CA4: variants seen among roughly 807,000 people sequenced by gnomAD.
CA4 encodes CA-IV.
Under a neutral mutation model 34.5 loss-of-function variants are expected in CA4, and 24 were observed. That is an observed-to-expected ratio of 0.70 (90% CI 0.50 to 0.98). The LOEUF (loss-of-function observed/expected upper bound fraction) is 0.98. CA4 is among the 50% of genes least tolerant of loss of function. The pLI, the probability that CA4 is intolerant of heterozygous loss-of-function variation, is 0.00. For missense variants in CA4, 394 were observed against 396.7 expected, an observed-to-expected ratio of 0.99 and a Z score of 0.06; for synonymous variants, 178 against 170.6, an observed-to-expected ratio of 1.04 and a Z score of -0.34.
chr17:60,152,733 T>A (rs775010678), intron 1 of CA4, among the ~76,000 whole-genome samples: 1 of 152,278 alleles, frequency 6.6e-6, no homozygotes, highest in Admixed American at 6.5e-5. Context: ...GGACATGGGA[T>A]GATTATGGCA....
At chr17:60,169,250 C>CAAAAAAAAAAAA (rs1555574043) in intron 5 of CA4, among the ~76,000 whole-genome samples, 28 of 122,864 alleles carry the variant, frequency 2.3e-4, no homozygotes, top group African/African-American at 8.8e-4. Context: ...CCCTCTGTCT[C>CAAAAAAAAAAAA]AAAAAAAAAA....
downstream of CA4, among the ~76,000 whole-genome samples, chr17:60,162,398 G>T (rs915305396): frequency 6.6e-6 from 1 of 152,152 alleles, no homozygotes; most frequent in Non-Finnish European, 1.5e-5. Flanking sequence ...GTGGCTCTGA[G>T]TTCCCTGTGC....
downstream of CA4, among the ~76,000 whole-genome samples, chr17:60,163,662 G>T (rs796510490): frequency 6.6e-6 from 1 of 152,288 alleles, no homozygotes; most frequent in South Asian, 2.1e-4. Context: ...GAAGAGCTGC[G>T]GGACAGAAGA....
At chr17:60,157,997 A>G (rs772643674) in intron 5 of CA4, 64 bp from the exon 6 acceptor site, 1 of 1,596,072 alleles carries the variant, frequency 6.3e-7, no homozygotes, top group Admixed American at 1.8e-5. Context: ...AGATCGGGAG[A>G]ATGAACTGGC....
At chr17:60,178,799 A>C in the CA4 span, among the ~76,000 whole-genome samples, 1 of 152,386 alleles carries the variant, frequency 6.6e-6, no homozygotes, top group Non-Finnish European at 1.5e-5. Context: ...TCTTGTCAAT[A>C]TAATGGAATA....
At chr17:60,178,311 C>T in the CA4 span, among the ~76,000 whole-genome samples, 3 of 152,270 alleles carry the variant, frequency 2.0e-5, no homozygotes, top group South Asian at 6.2e-4. Flanking sequence ...AAAGAACAAC[C>T]ACTAATTGTG....
At chr17:60,171,701 C>A (rs569365540), downstream of CA4, among the ~76,000 whole-genome samples, 11 of 152,224 alleles carry the variant, frequency 7.2e-5, no homozygotes, top group South Asian at 2.1e-4. Context: ...CTACACCCCC[C>A]ACTGTCACTT....
At chr17:60,176,065 T>C in the CA4 span, among the ~76,000 whole-genome samples, 2 of 152,098 alleles carry the variant, frequency 1.3e-5, no homozygotes, top group Non-Finnish European at 2.9e-5. Context: ...ATCCACCTGC[T>C]TTGGCCTTCC....
downstream of CA4, among the ~76,000 whole-genome samples, chr17:60,173,889 G>A (rs192102146): frequency 1.3e-5 from 2 of 152,302 alleles, no homozygotes; most frequent in East Asian, 1.9e-4. Context: ...CGATGATGCC[G>A]ATGAATTGCC....
chr17:60,171,299 T>C (rs1364017889), downstream of CA4, among the ~76,000 whole-genome samples: 24 of 152,228 alleles, frequency 1.6e-4, no homozygotes, highest in Admixed American at 1.6e-3. Flanking sequence ...CAGAGAGCTC[T>C]GCAAACAAGG....
rs1282464357 is a variant in CA4, at chr17:60,159,445, C to A, written c.*21C>A. The A allele has an allele frequency of 6.2e-7, 1 of 1,607,586 alleles. No individual in the cohort carries two copies. Among genetic ancestry groups the A allele is most frequent in the Admixed American group, 1.7e-5 (1 of 59,820 alleles). On this transcript the variant is annotated 3_prime_UTR_variant, in exon 8 of 8. Transcript: ENST00000300900. ...GATGATGGCTCACTTCTGCACGCAGCCTCTCTGTTGCCTCAGCTCTCCAAG... is the reference window on the plus strand; with the variant it reads ...GATGATGGCTCACTTCTGCACGCAGACTCTCTGTTGCCTCAGCTCTCCAAG...
Position 60,158,418 on chromosome 17 carries a change from G to T in CA4, c.716G>T (p.Arg239Leu), listed in dbSNP as rs76995634. ...CDEKVVWTVF[R>L]EPIQLHREQI... ...GAGAAGGTCGTCTGGACTGTGTTCC[G>T]GGAGCCCATTCAGCTTCACAGAGAA... is the stretch of plus-strand genomic sequence containing the variant. The change falls in exon 7 of 8, where the codon CGG (arginine) becomes CTG (leucine). Residue 239 changes from arginine (R) to leucine (L), a missense_variant. Arg to Leu is a moderately radical substitution (Grantham distance 102). Transcript: ENST00000300900. 6.2e-7 allele frequency: 1 copy of T among 1,613,908 alleles called. No individual in the cohort carries two copies. Among genetic ancestry groups the T allele is most frequent in the African/African-American group, 1.3e-5 (1 of 74,920 alleles).
chr17:60,155,415 C>G, intron 2 of CA4, 48 bp downstream of exon 2: 1 of 1,504,984 alleles, frequency 6.6e-7, no homozygotes, highest in Non-Finnish European at 9.1e-7. Flanking sequence ...TGGTGGGCAC[C>G]ACGCAAGCCG....
the CA4 span, among the ~76,000 whole-genome samples, chr17:60,178,618 A>G: frequency 6.6e-6 from 1 of 152,206 alleles, no homozygotes; most frequent in African/African-American, 2.4e-5. Flanking sequence ...ACTGACCACT[A>G]TATGCCCCTG....
Position 60,150,021 on chromosome 17 carries a change from T to C in CA4, c.-14T>C. On this transcript the variant is annotated 5_prime_UTR_variant, in exon 1 of 8. Coordinates refer to ENST00000300900, the MANE Select transcript of CA4 (RefSeq NM_000717.5). ...GCGACCCCCGGCTCAGAGGACTCTT[T>C]GCTGTCCCGCAAGATGCGGATGCTG... The C allele has an allele frequency of 6.2e-7, 1 of 1,601,554 alleles. No individual in the cohort carries two copies. Among genetic ancestry groups the C allele is most frequent in the Non-Finnish European group, 8.5e-7 (1 of 1,178,236 alleles).
intron 5 of CA4, among the ~76,000 whole-genome samples, chr17:60,165,544 T>C (rs991596889): frequency 1.3e-5 from 2 of 152,186 alleles, no homozygotes; most frequent in African/African-American, 4.8e-5. Flanking sequence ...CTGTGGGGAT[T>C]GATCGGGTTG....
chr17:60,158,171 T>A (rs748842959), intron 6 of CA4, 44 bp downstream of exon 6: 5 of 1,608,140 alleles, frequency 3.1e-6, no homozygotes, highest in Non-Finnish European at 4.3e-6. Context: ...AGGGGGGGGA[T>A]TCCTCCCACA....
intron 1 of CA4, among the ~76,000 whole-genome samples, chr17:60,152,144 G>A (rs1292775348): frequency 1.3e-5 from 2 of 152,112 alleles, no homozygotes; most frequent in Non-Finnish European, 2.9e-5. Flanking sequence ...CAGGGTGGAT[G>A]GACTAGGTAG....
chr17:60,171,272 T>C (rs2083908649), downstream of CA4, among the ~76,000 whole-genome samples: 1 of 152,236 alleles, frequency 6.6e-6, no homozygotes, highest in Non-Finnish European at 1.5e-5. Flanking sequence ...AGGATGTTTA[T>C]TTGCAGCTCT....
Sources: allele counts gnomAD v4.1 joint callset (sites outside exome capture counted in the v4.1 genomes callset), GRCh38; gene constraint gnomAD v4.1.1; transcripts MANE v1.5; gene names NCBI Gene and HGNC (gene_info 2026-07-23, HGNC 2026-07-21).